Variants in MARCHF1 observed in about 807,000 individuals in gnomAD.
MARCHF1 encodes the protein membrane associated ring-CH-type finger 1, also known as E3 ubiquitin-protein ligase MARCHF1.
MARCHF1 carries 40 observed loss-of-function variants against 54.2 expected under a neutral mutation model. That is an observed-to-expected ratio of 0.74 (90% CI 0.57 to 0.96). The LOEUF is 0.96. MARCHF1 is among the 40% of genes least tolerant of loss of function. The pLI, the probability that MARCHF1 is intolerant of heterozygous loss-of-function variation, is 0.00. For synonymous variants in MARCHF1, 236 were observed against 236.3 expected (o/e 1.00, Z 0.01); for missense variants, 586 against 656.5 (o/e 0.89, Z 1.17).
At chr4:163,903,877 A>C (rs760770247) in intron 3 of MARCHF1, among the ~76,000 whole-genome samples, 1 of 152,148 alleles carries the variant, frequency 6.6e-6, no homozygotes, top group Non-Finnish European at 1.5e-5. Context: ...TGGCCTCCCA[A>C]AGTTCTAGTA....
chr4:163,845,460 TACACACACAC>T (rs10611765), intron 4 of MARCHF1, among the ~76,000 whole-genome samples: 5,318 of 137,576 alleles, frequency 0.039, 314 homozygotes, highest in East Asian at 0.23. Flanking sequence ...GCACCTCAGT[TACACACACAC>T]ACACACACAC....
intron 2 of MARCHF1, among the ~76,000 whole-genome samples, chr4:164,005,914 C>T (rs2110928381): frequency 6.6e-6 from 1 of 152,188 alleles, no homozygotes; most frequent in East Asian, 1.9e-4. Flanking sequence ...TCTAAGGAAT[C>T]ACCTAGAACC....
intron 1 of MARCHF1, among the ~76,000 whole-genome samples, chr4:164,341,655 G>A (rs187540342): frequency 6.6e-6 from 1 of 152,208 alleles, no homozygotes; most frequent in East Asian, 1.9e-4. Context: ...GGTGGAAGGG[G>A]TGAAGGGTCT....
chr4:164,262,107 G>GAAAAAAAAAAAAAAAAA (rs1184867700), intron 1 of MARCHF1, among the ~76,000 whole-genome samples: 1 of 72,268 alleles, frequency 1.4e-5, no homozygotes. Flanking sequence ...CCTATCTTAA[G>GAAAAAAAAAAAAAAAAA]AAAAAAAAAA....
At chr4:163,568,735 C>G (rs1425657646) in intron 8 of MARCHF1, among the ~76,000 whole-genome samples, 1 of 152,060 alleles carries the variant, frequency 6.6e-6, no homozygotes, top group African/African-American at 2.4e-5. Flanking sequence ...CTGCTGGGAT[C>G]ATCTTCCACA....
At chr4:164,139,962 C>T (rs1000250878) in intron 1 of MARCHF1, among the ~76,000 whole-genome samples, 4 of 151,894 alleles carry the variant, frequency 2.6e-5, no homozygotes, top group African/African-American at 9.7e-5. Context: ...TCCCCCAACC[C>T]CCAATAATAA....
intron 1 of MARCHF1, among the ~76,000 whole-genome samples, chr4:164,199,628 T>G (rs1731382017): frequency 7.9e-6 from 1 of 127,030 alleles, no homozygotes; most frequent in African/African-American, 3.3e-5. Context: ...AGAGCAGGAC[T>G]CTGTCACACA....
intron 1 of MARCHF1, among the ~76,000 whole-genome samples, chr4:164,340,785 T>C (rs1000598882): frequency 1.3e-5 from 2 of 151,908 alleles, no homozygotes; most frequent in Non-Finnish European, 2.9e-5. Flanking sequence ...CTCAAACTCC[T>C]GGGCTCAAGC....
At chr4:164,293,645 A>AATT (rs1373226879) in intron 1 of MARCHF1, among the ~76,000 whole-genome samples, 21 of 152,312 alleles carry the variant, frequency 1.4e-4, no homozygotes, top group African/African-American at 5.1e-4. Context: ...GCATGTAATA[A>AATT]ATTTAGATTT....
At chr4:163,696,704 G>C (rs1039959) in intron 5 of MARCHF1, among the ~76,000 whole-genome samples, 68,769 of 151,814 alleles carry the variant, frequency 0.45, 16,081 homozygotes, top group Non-Finnish European at 0.51. Flanking sequence ...AGCTTCCATG[G>C]CTTGGACTTA....
At position 163,585,873 on chromosome 4, in the gene MARCHF1, G is replaced by A; in HGVS notation, c.1067C>T (p.Thr356Ile). 1 of 1,613,884 alleles carries A rather than the reference G, an allele frequency of 6.2e-7. No homozygotes were observed. Among genetic ancestry groups the A allele is most frequent in the Non-Finnish European group, 8.5e-7 (1 of 1,179,918 alleles). The change falls in exon 8 of 10, where the codon ACT becomes ATT. Residue 356 changes from threonine to isoleucine, a missense_variant. Thr to Ile is a moderately conservative substitution (Grantham distance 89, BLOSUM62 -1). Transcript: ENST00000514618. The part of the protein sequence containing the change: ...ESPLITPCRC[T>I]GTLRFVHQSC... The stretch of plus-strand genomic sequence containing the variant: ...CTGGTGGACAAAGCGCAGTGTCCCA[G>A]TGCAGCGACAGGGTGTGATGAGGGG...
chr4:163,816,861 TC>T (rs1219407657), intron 4 of MARCHF1, among the ~76,000 whole-genome samples: 1 of 151,778 alleles, frequency 6.6e-6, no homozygotes, highest in Non-Finnish European at 1.5e-5. Flanking sequence ...TTCACTTCAC[TC>T]CCCCCGCTGT....
chr4:163,848,849 T>G (rs937434570), intron 4 of MARCHF1, among the ~76,000 whole-genome samples: 2 of 152,172 alleles, frequency 1.3e-5, no homozygotes, highest in Non-Finnish European at 2.9e-5. Flanking sequence ...TAGTATAAAT[T>G]GCTCTACAGA....
chr4:163,987,311 C>T (rs188453396), intron 3 of MARCHF1, among the ~76,000 whole-genome samples: 1 of 152,316 alleles, frequency 6.6e-6, no homozygotes, highest in Admixed American at 6.5e-5. Context: ...ATCTCTTGCA[C>T]TAACTTAGAG....
chr4:164,322,735 C>A (rs952254768), intron 1 of MARCHF1, among the ~76,000 whole-genome samples: 1 of 151,704 alleles, frequency 6.6e-6, no homozygotes, highest in Non-Finnish European at 1.5e-5. Flanking sequence ...ATAAAAAAGA[C>A]AACACAAAAG....
intron 2 of MARCHF1, among the ~76,000 whole-genome samples, chr4:164,057,509 GT>G (rs1754519160): frequency 6.6e-6 from 1 of 152,168 alleles, no homozygotes. Flanking sequence ...AAGAATATAT[GT>G]TTTGTGGCAC....
At chr4:163,715,182 C>A (rs1033324645) in intron 4 of MARCHF1, among the ~76,000 whole-genome samples, 1 of 152,200 alleles carries the variant, frequency 6.6e-6, no homozygotes, top group Non-Finnish European at 1.5e-5. Context: ...GAATGTTTGG[C>A]AGCAGTATTG....
chr4:164,202,993 A>AAGAGAG (rs113576749), intron 1 of MARCHF1, among the ~76,000 whole-genome samples: 70 of 149,646 alleles, frequency 4.7e-4, no homozygotes, highest in African/African-American at 1.5e-3. Context: ...GAAAGGGAGA[A>AAGAGAG]AGAGAGAGAG....
At chr4:163,998,302 C>A (rs867365607) in intron 2 of MARCHF1, among the ~76,000 whole-genome samples, 12 of 151,364 alleles carry the variant, frequency 7.9e-5, no homozygotes, top group Middle Eastern at 3.4e-3. Context: ...AAACTTTAAA[C>A]AATATTAATA....
Sources: allele counts gnomAD v4.1 joint callset (sites outside exome capture counted in the v4.1 genomes callset), GRCh38; gene constraint gnomAD v4.1.1; transcripts MANE v1.5; gene names NCBI Gene and HGNC (gene_info 2026-07-23, HGNC 2026-07-21).